AGAP1: variants seen among roughly 807,000 people sequenced by gnomAD.
The protein encoded by AGAP1 is arf-GAP with GTPase, ANK repeat and PH domain-containing protein 1.
AGAP1 carries 29 observed loss-of-function variants against 105.3 expected under a neutral mutation model. The ratio of observed to expected loss-of-function variants is 0.28; its 90% CI spans 0.21 to 0.38. The LOEUF (loss-of-function observed/expected upper bound fraction) is 0.38. Among genes scored for constraint, AGAP1 ranks in the 10% least tolerant of loss-of-function variants. The probability of loss-of-function intolerance (pLI) is 1.00; values close to 1 mark genes in which losing one functional copy is unlikely to be tolerated. For synonymous variants in AGAP1, 509 were observed against 485.9 expected, an observed-to-expected ratio of 1.05 and a Z score of -0.63; for missense variants, 998 against 1,165.1, an observed-to-expected ratio of 0.86 and a Z score of 2.09.
intron 1 of AGAP1, among the ~76,000 whole-genome samples, chr2:235,688,903 CTG>C (rs1949600895): frequency 6.6e-6 from 1 of 152,134 alleles, no homozygotes; most frequent in South Asian, 2.1e-4. Flanking sequence ...GGGTTTGTTG[CTG>C]TGTCACAGTA....
rs1293146516 is a variant in AGAP1 at position 236,056,898 on chromosome 2, C to T, written c.2114+7617C>T. 1.3e-5 allele frequency among the ~76,000 whole-genome samples: 2 copies of T among 152,308 alleles called. No individual in the cohort carries two copies. The highest frequency in any genetic ancestry group is 1.9e-4 in the East Asian group (1 of 5,170). Reference sequence around the variant, plus strand: ...TGTTCCTTTTCTGCCAAATCCACGTCAGTAGCGGCATTGGGAGAACCGCCA... The same window carrying T: ...TGTTCCTTTTCTGCCAAATCCACGTTAGTAGCGGCATTGGGAGAACCGCCA... On this transcript the variant is annotated intron_variant, in intron 16 of 17. Coordinates refer to ENST00000304032, the MANE Select transcript of AGAP1 (RefSeq NM_001037131.3). This position sits in a 1 kb window ranked among gnomAD's most constrained non-coding sequence, Gnocchi z 4.6.
intron 16 of AGAP1, among the ~76,000 whole-genome samples, chr2:236,052,045 T>G (rs2057916595): frequency 6.6e-6 from 1 of 152,054 alleles, no homozygotes; most frequent in African/African-American, 2.4e-5. Flanking sequence ...TCTGCCCCAC[T>G]CCGCCCCTCC....
In AGAP1 at chr2:235,639,610, C is replaced by G. The variant is rs1167664554; in HGVS notation, c.164-69569C>G. Among the ~76,000 whole-genome samples, 2 of 152,154 alleles carry G rather than the reference C, an allele frequency of 1.3e-5. No individual in the cohort carries two copies. The highest frequency in any genetic ancestry group is 2.1e-4 in the South Asian group (1 of 4,816). On this transcript the variant is annotated intron_variant, in intron 1 of 17. Transcript: ENST00000304032. This position sits in a 1 kb window ranked among gnomAD's most constrained non-coding sequence, Gnocchi z 5.3. Reference sequence around the variant, plus strand: ...CACTCTCTGGCCTTTATTGGTCAAGCTGCCTGCTGTGTTTCTGGTGCCCAA... The same window carrying G: ...CACTCTCTGGCCTTTATTGGTCAAGGTGCCTGCTGTGTTTCTGGTGCCCAA...
At position 235,976,669 on chromosome 2, in the gene AGAP1, C is replaced by T. The variant is rs996780876; in HGVS notation, c.1645+8046C>T. On this transcript the variant is annotated intron_variant, in intron 13 of 17. Transcript: ENST00000304032. This position sits in a 1 kb window ranked among gnomAD's most constrained non-coding sequence, Gnocchi z 4.5. ...GGATGGGACATCAACTGAAGCGGCC[C>T]AGCCATCAGGACACACATAGACCAG... Among the ~76,000 whole-genome samples the T allele has an allele frequency of 5.3e-5, 8 of 152,112 alleles. No individual in the cohort carries two copies. The highest frequency in any genetic ancestry group is 1.7e-4 in the African/African-American group (7 of 41,404).
chr2:235,867,721 G>C lies in AGAP1; in HGVS notation c.1051-15624G>C, dbSNP rs1452234181. Among the ~76,000 whole-genome samples the C allele has an allele frequency of 6.6e-6, 1 of 152,148 alleles. No individual in the cohort carries two copies. Among genetic ancestry groups the C allele is most frequent in the Non-Finnish European group, 1.5e-5 (1 of 68,030 alleles). On this transcript the variant is annotated intron_variant, in intron 9 of 17. Transcript: ENST00000304032. This position sits in a 1 kb window ranked among gnomAD's most constrained non-coding sequence, Gnocchi z 5.4. ...GCAAAAGCAAGATGACTAAGTGTTC[G>C]TTACGGAAAAGTGGGATGTCAGGGG... is the stretch of plus-strand genomic sequence containing the variant.
In AGAP1 at chr2:235,736,029, T is replaced by C. The variant is rs1229364594; in HGVS notation, c.311-4934T>C. The stretch of plus-strand genomic sequence containing the variant: ...CTAAGCTGAGGATTCCAGGTGATGC[T>C]GTTTACCTCCTGTGATATCCTTGTG... On this transcript the variant is annotated intron_variant, in intron 3 of 17. Coordinates refer to ENST00000304032, the MANE Select transcript of AGAP1 (RefSeq NM_001037131.3). The surrounding 1 kb of genome is among the most constrained non-coding windows in gnomAD (Gnocchi z 5.5). Among the ~76,000 whole-genome samples, 1 of 152,038 alleles carries C rather than the reference T, an allele frequency of 6.6e-6. No homozygotes were observed. The highest frequency in any genetic ancestry group is 2.4e-5 in the African/African-American group (1 of 41,418).
Position 235,842,683 on chromosome 2 carries a change from C to T in AGAP1, c.1050+35352C>T, listed in dbSNP as rs1017036549. 6.6e-6 allele frequency among the ~76,000 whole-genome samples: 1 copy of T among 152,140 alleles called. No homozygotes were observed. The highest frequency in any genetic ancestry group is 6.5e-5 in the Admixed American group (1 of 15,274). On this transcript the variant is annotated intron_variant, in intron 9 of 17. Transcript: ENST00000304032. The surrounding 1 kb of genome is among the most constrained non-coding windows in gnomAD (Gnocchi z 5.3). ...ATTTGAGTTTCTTACCCTATGAATT[C>T]TATAAACTGAAGTTTTCATCCCATG...
At chr2:235,536,627 T>TCACACACACACACA (rs370173877) in intron 1 of AGAP1, among the ~76,000 whole-genome samples, 1 of 108,242 alleles carries the variant, frequency 9.2e-6, no homozygotes, top group Non-Finnish European at 1.9e-5. Flanking sequence ...GTCGCATCCT[T>TCACACACACACACA]CACACACACA....
chr2:236,068,348 C>CATAAT (rs2058403649), intron 16 of AGAP1, among the ~76,000 whole-genome samples: 1 of 152,022 alleles, frequency 6.6e-6, no homozygotes, highest in African/African-American at 2.4e-5. Flanking sequence ...CGTTTTGTTC[C>CATAAT]ATAATATAAT....
In AGAP1 at chr2:235,716,088, T is replaced by C. The variant is rs1951090805; in HGVS notation, c.223-1469T>C. ...CTTTTTTTTCCCCCCACATCCAACC[T>C]TCTATCAATGAGTTATGATTCCAGA... On this transcript the variant is annotated intron_variant, in intron 2 of 17. Transcript: ENST00000304032. This position sits in a 1 kb window ranked among gnomAD's most constrained non-coding sequence, Gnocchi z 4.0. 6.6e-6 allele frequency among the ~76,000 whole-genome samples: 1 copy of C among 152,228 alleles called. No homozygotes were observed. Among genetic ancestry groups the C allele is most frequent in the African/African-American group, 2.4e-5 (1 of 41,460 alleles).
chr2:235,587,685 G>A (rs1451936576), intron 1 of AGAP1, among the ~76,000 whole-genome samples: 1 of 151,992 alleles, frequency 6.6e-6, no homozygotes, highest in African/African-American at 2.4e-5. Flanking sequence ...AACACTGGAG[G>A]TGGAGGTTGC....
At chr2:235,800,264 A>G (rs1427829723) in intron 8 of AGAP1, among the ~76,000 whole-genome samples, 1 of 149,672 alleles carries the variant, frequency 6.7e-6, no homozygotes, top group Non-Finnish European at 1.5e-5. Context: ...ACGTGTGGCT[A>G]ATTTTTTTTT....
At chr2:235,896,060 T>G (rs2050793395) in intron 10 of AGAP1, among the ~76,000 whole-genome samples, 1 of 152,204 alleles carries the variant, frequency 6.6e-6, no homozygotes, top group South Asian at 2.1e-4. Context: ...CCTCCAGAAC[T>G]TTTTCATCTT....
At chr2:235,500,471 A>G (rs1029580255) in intron 1 of AGAP1, among the ~76,000 whole-genome samples, 3 of 152,204 alleles carry the variant, frequency 2.0e-5, no homozygotes, top group African/African-American at 7.2e-5. Context: ...CATAGCTGTA[A>G]AGGAAAGGCA....
In AGAP1 at chr2:235,622,130, T is replaced by C. The variant is rs572865138; in HGVS notation, c.164-87049T>C. On this transcript the variant is annotated intron_variant, in intron 1 of 17. Transcript: ENST00000304032. This position sits in a 1 kb window ranked among gnomAD's most constrained non-coding sequence, Gnocchi z 5.0. ...ACATGCAGACATCCAAAATAAACTT[T>C]TTTTTTTCTGTACAAAATTAGATTT... Among the ~76,000 whole-genome samples the C allele has an allele frequency of 6.6e-6, 1 of 152,200 alleles. No homozygotes were observed. Among genetic ancestry groups the C allele is most frequent in the Non-Finnish European group, 1.5e-5 (1 of 68,042 alleles).
chr2:235,974,620 G>C (rs1299462760), intron 13 of AGAP1, among the ~76,000 whole-genome samples: 4 of 152,206 alleles, frequency 2.6e-5, no homozygotes, highest in African/African-American at 9.7e-5. Context: ...TTCTCCTGTA[G>C]AGGGTAAGTC....
In AGAP1 at chr2:235,712,586, G is replaced by T. The variant is rs148999420; in HGVS notation, c.222+3349G>T. ...TTGATTTCCTTTTCAGCAAACCTCAGGGTTAGTGTGGGGCTCTGGAGAAAT... is the reference window on the plus strand; with the variant it reads ...TTGATTTCCTTTTCAGCAAACCTCATGGTTAGTGTGGGGCTCTGGAGAAAT... On this transcript the variant is annotated intron_variant, in intron 2 of 17. Transcript: ENST00000304032. The surrounding 1 kb of genome is among the most constrained non-coding windows in gnomAD (Gnocchi z 6.0). Among the ~76,000 whole-genome samples the T allele has an allele frequency of 2.0e-3, 302 of 152,322 alleles. 1 individual carries two copies. The highest frequency in any genetic ancestry group is 7.0e-3 in the African/African-American group (292 of 41,574).
chr2:236,116,367 T>TGA lies in AGAP1; in HGVS notation c.2115-3817_2115-3816dup, dbSNP rs749503501. Among the ~76,000 whole-genome samples the TGA allele has an allele frequency of 1.9e-3, 279 of 150,532 alleles. 4 individuals carry two copies. The highest frequency in any genetic ancestry group is 3.4e-3 in the Middle Eastern group (1 of 290). On this transcript the variant is annotated intron_variant, in intron 16 of 17. Transcript: ENST00000304032. The stretch of plus-strand genomic sequence containing the variant: ...TTGGTTAATTAAGTTCTTTTTTTTT[T>TGA]GAGAGAGAGTTTTGCTCTGTCGCCC...
Position 236,120,228 on chromosome 2 carries a change from G to A in AGAP1, c.2151G>A (p.Glu717=), listed in dbSNP as rs1203171053. Residue 717 remains glutamate, a synonymous_variant, in exon 17 of 18, where the codon GAG becomes GAA. Transcript: ENST00000304032. The surrounding 1 kb of genome is among the most constrained non-coding windows in gnomAD (Gnocchi z 6.0). The part of the protein sequence containing the change: ...EKERWIRAKY[E]QKLFLAPLPC... ...AACGGTGGATCCGTGCCAAGTACGA[G>A]CAGAAGCTCTTCCTGGCCCCGCTGC... 5 of 1,613,196 alleles carry A rather than the reference G, an allele frequency of 3.1e-6. No individual in the cohort carries two copies. Among genetic ancestry groups the A allele is most frequent in the East Asian group, 4.5e-5 (2 of 44,876 alleles).
Sources: allele counts gnomAD v4.1 joint callset (sites outside exome capture counted in the v4.1 genomes callset), GRCh38; gene constraint gnomAD v4.1.1; non-coding constraint Gnocchi (gnomAD v3.1); transcripts MANE v1.5; gene names NCBI Gene and HGNC (gene_info 2026-07-23, HGNC 2026-07-21).